Variants in MED15 observed in about 807,000 individuals in gnomAD.
The protein encoded by MED15 is mediator complex subunit 15, also known as mediator of RNA polymerase II transcription subunit 15.
Under a neutral mutation model 118.7 loss-of-function variants are expected in MED15, and 41 were observed. The observed-to-expected ratio is 0.35, with a 90% CI of 0.27 to 0.45. MED15 has a LOEUF of 0.45. Ranked by LOEUF, MED15 falls within the 20% of genes least tolerant of loss-of-function variation. The pLI is 1.00. For missense variants in MED15, 740 were observed against 1,025.5 expected, an observed-to-expected ratio of 0.72 and a Z score of 3.80; for synonymous variants, 436 against 413.9, an observed-to-expected ratio of 1.05 and a Z score of -0.65.
rs633788 is a variant in MED15 at position 20,581,430 on chromosome 22, G to A, written c.1273-1181G>A. On this transcript the variant is annotated intron_variant, in intron 9 of 17. Transcript: ENST00000263205. ...AAGTGCTTGGGGGGTGGTGTGAGCC[G>A]TGGCCCGAGACAGGCGTTCATGGCC... Among the ~76,000 whole-genome samples the A allele has an allele frequency of 6.1e-3, 928 of 152,286 alleles. 9 individuals carry two copies. The highest frequency in any genetic ancestry group is 0.021 in the African/African-American group (883 of 41,562).
chr22:20,558,950 C>G (rs187970157), intron 5 of MED15, among the ~76,000 whole-genome samples: 6 of 152,106 alleles, frequency 3.9e-5, no homozygotes, highest in Non-Finnish European at 7.4e-5. Context: ...TGCCCAGTGA[C>G]CACACACACA....
chr22:20,509,013 T>G (rs1463762501), intron 1 of MED15, among the ~76,000 whole-genome samples: 1 of 152,014 alleles, frequency 6.6e-6, no homozygotes, highest in Non-Finnish European at 1.5e-5. Context: ...GGCAGTCTAG[T>G]GAGTAGGTGA....
At chr22:20,530,987 G>C (rs1299095343) in intron 1 of MED15, among the ~76,000 whole-genome samples, 1 of 152,196 alleles carries the variant, frequency 6.6e-6, no homozygotes, top group Admixed American at 6.5e-5. Context: ...AGCACTTCCT[G>C]TATGTCCAGT....
At chr22:20,584,594 T>A in intron 14 of MED15, 169 bp downstream of exon 14, 1 of 889,228 alleles carries the variant, frequency 1.1e-6, no homozygotes. Flanking sequence ...GGTGGGAACA[T>A]GGGAGAAGTC....
intron 17 of MED15, 37 bp from the exon 18 acceptor site, chr22:20,586,531 C>G (rs757850965): frequency 3.7e-6 from 6 of 1,602,178 alleles, no homozygotes; most frequent in Non-Finnish European, 4.3e-6. Context: ...AGCGCAGCGC[C>G]GGCCGCCTTA....
At chr22:20,569,911 C>T (rs1470357030) in intron 8 of MED15, among the ~76,000 whole-genome samples, 1 of 152,188 alleles carries the variant, frequency 6.6e-6, no homozygotes, top group Non-Finnish European at 1.5e-5. Flanking sequence ...AGAGGAAGGA[C>T]GTGGTGTGTT....
intron 1 of MED15, among the ~76,000 whole-genome samples, chr22:20,525,358 G>A (rs557398366): frequency 5.9e-5 from 9 of 151,626 alleles, no homozygotes; most frequent in African/African-American, 1.9e-4. Context: ...TCCCACAGGC[G>A]TGGGCCACCA....
chr22:20,555,672 T>C (rs1216199083), intron 5 of MED15, among the ~76,000 whole-genome samples: 1 of 152,258 alleles, frequency 6.6e-6, no homozygotes, highest in African/African-American at 2.4e-5. Flanking sequence ...TCAGGTGTTA[T>C]AGGTGAACCA....
At chr22:20,559,387 G>A (rs988429690) in intron 5 of MED15, among the ~76,000 whole-genome samples, 1 of 152,184 alleles carries the variant, frequency 6.6e-6, no homozygotes, top group Non-Finnish European at 1.5e-5. Context: ...GTAGCACAGA[G>A]AAGAGCACAT....
At chr22:20,563,027 C>A (rs534546020) in intron 5 of MED15, among the ~76,000 whole-genome samples, 22 of 149,244 alleles carry the variant, frequency 1.5e-4, no homozygotes, top group Admixed American at 1.2e-3. Flanking sequence ...CAGAGTGAGA[C>A]CCCACCTCAA....
intron 1 of MED15, among the ~76,000 whole-genome samples, chr22:20,525,079 C>T (rs1601472419): frequency 6.6e-6 from 1 of 152,052 alleles, no homozygotes; most frequent in South Asian, 2.1e-4. Context: ...GTGGGAGAAT[C>T]GCTTGATGCC....
intron 1 of MED15, among the ~76,000 whole-genome samples, chr22:20,531,908 A>T (rs1235030688): frequency 2.0e-5 from 3 of 152,196 alleles, no homozygotes; most frequent in Non-Finnish European, 4.4e-5. Flanking sequence ...GGAGGCCCTA[A>T]CAGGCCTGAT....
chr22:20,528,943 G>A (rs2054754068), intron 1 of MED15, among the ~76,000 whole-genome samples: 1 of 152,176 alleles, frequency 6.6e-6, no homozygotes, highest in Admixed American at 6.5e-5. Context: ...GAGGGATGCA[G>A]GGATATCTTT....
At chr22:20,579,135 G>T (rs1342676386) in intron 9 of MED15, among the ~76,000 whole-genome samples, 1 of 152,232 alleles carries the variant, frequency 6.6e-6, no homozygotes, top group Admixed American at 6.5e-5. Context: ...GAGAGGCACT[G>T]TTGCCTCCCT....
In MED15 at chr22:20,543,111, TTGTGTG is replaced by T. The variant is rs61279859; in HGVS notation, c.156+5943_156+5948del. Among the ~76,000 whole-genome samples the T allele has an allele frequency of 1.4e-3, 194 of 141,262 alleles. No individual in the cohort carries two copies. In the South Asian group the frequency reaches 0.018, roughly 13 times the overall value. 92.7% of individuals were successfully genotyped at this position (141,262 alleles called of 152,430 possible). On this transcript the variant is annotated intron_variant, in intron 2 of 17. Coordinates refer to ENST00000263205, the MANE Select transcript of MED15 (RefSeq NM_001003891.3). ...TCTTCCCTCAATTTCTCTCTCTTCT[TTGTGTG>T]TGTGTGTGTGTGTGTGTGTGTGTGT...
At chr22:20,562,152 T>C (rs977376669) in intron 5 of MED15, among the ~76,000 whole-genome samples, 6 of 151,496 alleles carry the variant, frequency 4.0e-5, no homozygotes, top group Non-Finnish European at 8.8e-5. Flanking sequence ...CAGAGCAAAA[T>C]CCCGTCTCAA....
chr22:20,586,201 T>C (rs2057130878), intron 17 of MED15, among the ~76,000 whole-genome samples: 2 of 152,158 alleles, frequency 1.3e-5, no homozygotes, highest in African/African-American at 4.8e-5. Context: ...GTTCCACTGG[T>C]AGCTTGGGCA....
intron 7 of MED15, among the ~76,000 whole-genome samples, chr22:20,567,831 G>A (rs955638846): frequency 4.6e-5 from 7 of 152,158 alleles, no homozygotes; most frequent in African/African-American, 1.7e-4. Flanking sequence ...TGGCTCCACA[G>A]TTGCCCCTTT....
At chr22:20,531,860 G>GCAGCCGACAGCAGGGGTGCCTGGGTGGA (rs2054875597) in intron 1 of MED15, among the ~76,000 whole-genome samples, 1 of 152,240 alleles carries the variant, frequency 6.6e-6, no homozygotes, top group Non-Finnish European at 1.5e-5. Context: ...GGGTTTCTGT[G>GCAGCCGACAGCAGGGGTGCCTGGGTGGA]CAGCCGACAG....
Sources: allele counts gnomAD v4.1 joint callset (sites outside exome capture counted in the v4.1 genomes callset), GRCh38; gene constraint gnomAD v4.1.1; transcripts MANE v1.5; gene names NCBI Gene and HGNC (gene_info 2026-07-23, HGNC 2026-07-21).